Variants in DOCK1 observed in about 807,000 individuals in gnomAD.
The protein encoded by DOCK1 is dedicator of cytokinesis 1, also known as dedicator of cytokinesis protein 1.
A neutral mutation model predicts 262.7 loss-of-function variants in DOCK1; 138 were observed. That is an observed-to-expected ratio of 0.53 (90% CI 0.46 to 0.61). The LOEUF (loss-of-function observed/expected upper bound fraction) is 0.61, where lower values mean the gene tolerates loss of function less well. Among genes scored for constraint, DOCK1 ranks in the 20% least tolerant of loss-of-function variants. DOCK1 has a pLI of 0.00. For missense variants in DOCK1, 1,908 were observed against 2,370.7 expected (o/e 0.80, Z 4.05); for synonymous variants, 866 against 867.4 (o/e 1.00, Z 0.03).
chr10:127,441,281 G>GC lies in DOCK1; in HGVS notation c.5259+2057dup, dbSNP rs559479787. Among the ~76,000 whole-genome samples the GC allele has an allele frequency of 2.5e-4, 38 of 152,286 alleles. No individual in the cohort carries two copies. The South Asian group carries it at 7.7e-3, about 31-fold the overall frequency. On this transcript the variant is annotated intron_variant, in intron 49 of 51. Transcript: ENST00000623213. ...CATCCTTCTAGGGTCCTTGCAAGCA[G>GC]CAGGGCTAGGGGCAGCCCCACGAGG...
chr10:127,228,745 C>T (rs1209300546), intron 27 of DOCK1, among the ~76,000 whole-genome samples: 2 of 152,160 alleles, frequency 1.3e-5, no homozygotes, highest in Admixed American at 1.3e-4. Context: ...CACACATTCT[C>T]TAGCATATTA....
Position 127,400,617 on chromosome 10 carries a change from A to G in DOCK1, c.3928-2438A>G, listed in dbSNP as rs373297164. Reference sequence around the variant, plus strand: ...TAGATTCCTTATCTGCAAAATGGGTATAATGCAGATGCCCACCTGACAAGG... The same window carrying G: ...TAGATTCCTTATCTGCAAAATGGGTGTAATGCAGATGCCCACCTGACAAGG... On this transcript the variant is annotated intron_variant, in intron 38 of 51. Coordinates refer to ENST00000623213, the MANE Select transcript of DOCK1 (RefSeq NM_001290223.2). 1.1e-4 allele frequency among the ~76,000 whole-genome samples: 16 copies of G among 152,254 alleles called. No individual in the cohort carries two copies. The East Asian group carries it at 3.1e-3, about 29-fold the overall frequency.
chr10:127,054,832 T>A (rs571967039), intron 22 of DOCK1, among the ~76,000 whole-genome samples: 4 of 152,266 alleles, frequency 2.6e-5, no homozygotes, highest in Non-Finnish European at 4.4e-5. Context: ...TCTCACCCGA[T>A]AACACTGGAC....
intron 29 of DOCK1, among the ~76,000 whole-genome samples, chr10:127,330,015 AT>A (rs1440519488): frequency 1.3e-5 from 2 of 152,078 alleles, no homozygotes; most frequent in Non-Finnish European, 2.9e-5. Flanking sequence ...TCTAAGCTTG[AT>A]TTCCAGACTG....
chr10:127,101,111 A>C (rs1374539004), intron 23 of DOCK1, among the ~76,000 whole-genome samples: 1 of 152,026 alleles, frequency 6.6e-6, no homozygotes, highest in South Asian at 2.1e-4. Flanking sequence ...CGAAAACCCA[A>C]GGCAGGGGCA....
At chr10:127,172,461 A>G (rs951437742) in intron 27 of DOCK1, among the ~76,000 whole-genome samples, 3 of 152,148 alleles carry the variant, frequency 2.0e-5, no homozygotes, top group Non-Finnish European at 2.9e-5. Flanking sequence ...ATGAGCTTGC[A>G]TCTTATCTGC....
intron 38 of DOCK1, among the ~76,000 whole-genome samples, chr10:127,388,399 G>A (rs554727324): frequency 3.3e-5 from 5 of 152,300 alleles, no homozygotes; most frequent in African/African-American, 1.2e-4. Flanking sequence ...ACTAAAGTAA[G>A]ATGAAGAACA....
intron 19 of DOCK1, among the ~76,000 whole-genome samples, chr10:127,038,984 G>A (rs551729576): frequency 6.6e-6 from 1 of 152,194 alleles, no homozygotes; most frequent in African/African-American, 2.4e-5. Flanking sequence ...AGCAAGGTCT[G>A]TGTGTTGCCG....
chr10:127,198,705 G>A (rs142425603), intron 27 of DOCK1, among the ~76,000 whole-genome samples: 227 of 150,920 alleles, frequency 1.5e-3, no homozygotes, highest in Middle Eastern at 3.5e-3. Flanking sequence ...TAGACTTACA[G>A]TTGTTTTGCT....
At chr10:127,345,385 C>T (rs951219789) in intron 31 of DOCK1, among the ~76,000 whole-genome samples, 3 of 152,214 alleles carry the variant, frequency 2.0e-5, no homozygotes, top group African/African-American at 4.8e-5. Flanking sequence ...TGGCCAGTCC[C>T]ACACCTAGAA....
intron 29 of DOCK1, among the ~76,000 whole-genome samples, chr10:127,266,082 A>C (rs945277536): frequency 1.3e-5 from 2 of 152,240 alleles, no homozygotes; most frequent in African/African-American, 2.4e-5. Context: ...TGCCCCCAGG[A>C]CCATGGCACC....
chr10:127,163,631 T>G (rs1357728379), intron 27 of DOCK1, among the ~76,000 whole-genome samples: 1 of 152,160 alleles, frequency 6.6e-6, no homozygotes, highest in Admixed American at 6.5e-5. Context: ...ACTCTCACAA[T>G]TTTGTGATGC....
At chr10:127,342,553 G>A (rs1169520958) in intron 30 of DOCK1, among the ~76,000 whole-genome samples, 1 of 152,116 alleles carries the variant, frequency 6.6e-6, no homozygotes, top group African/African-American at 2.4e-5. Flanking sequence ...GGGAAGTGTT[G>A]GATAAATGCA....
chr10:127,292,881 T>C (rs555752600), intron 29 of DOCK1, among the ~76,000 whole-genome samples: 1 of 152,134 alleles, frequency 6.6e-6, no homozygotes. Context: ...TTTCATGTCC[T>C]GTCTCCTGAT....
At chr10:127,093,247 T>C (rs376624769) in intron 23 of DOCK1, among the ~76,000 whole-genome samples, 2 of 99,478 alleles carry the variant, frequency 2.0e-5, no homozygotes, top group South Asian at 2.7e-4. Flanking sequence ...TTCTTCTTTT[T>C]TTTTTTTTTT....
chr10:127,276,327 A>G (rs2060739116), intron 29 of DOCK1, among the ~76,000 whole-genome samples: 1 of 152,104 alleles, frequency 6.6e-6, no homozygotes, highest in Admixed American at 6.6e-5. Flanking sequence ...GGCTGTATGC[A>G]TCTTCTCTGT....
At position 127,186,895 on chromosome 10, in the gene DOCK1, G is replaced by A. The variant is rs182872058; in HGVS notation, c.2847+59131G>A. Among the ~76,000 whole-genome samples the A allele has an allele frequency of 1.1e-4, 17 of 152,264 alleles. No homozygotes were observed. In the East Asian group the frequency reaches 3.3e-3, roughly 30 times the overall value. On this transcript the variant is annotated intron_variant, in intron 27 of 51. Transcript: ENST00000623213. Reference sequence around the variant, plus strand: ...CACAGATACAGGAGGGGAAGGGGATGTGTGCTGGAACATAAGTCCAGGTCA... The same window carrying A: ...CACAGATACAGGAGGGGAAGGGGATATGTGCTGGAACATAAGTCCAGGTCA...
rs529958746 is a variant in DOCK1 at position 127,023,226 on chromosome 10, A to T, written c.1354A>T (p.Thr452Ser). Reference protein sequence around the residue: ...PGDVRNDIYVTLVQGDFDKGS... With the variant: ...PGDVRNDIYVSLVQGDFDKGS... ...TGATGTTCGAAATGATATCTATGTAACATTAGTTCAAGGAGATTTTGATAA... is the reference window on the plus strand; with the variant it reads ...TGATGTTCGAAATGATATCTATGTATCATTAGTTCAAGGAGATTTTGATAA... Residue 452 changes from threonine (T) to serine (S), a missense_variant, in exon 14 of 52, where the codon ACA (threonine) becomes TCA (serine). By Grantham distance (58) the Thr-to-Ser change is moderately conservative. Transcript: ENST00000623213. 6 of 1,613,874 alleles carry T rather than the reference A, an allele frequency of 3.7e-6. No homozygotes were observed. Among genetic ancestry groups the T allele is most frequent in the Non-Finnish European group, 5.1e-6 (6 of 1,179,902 alleles).
At position 127,228,802 on chromosome 10, in the gene DOCK1, G is replaced by A. The variant is rs114211989; in HGVS notation, c.2848-19206G>A. Reference sequence around the variant, plus strand: ...TTTAAATTTTATTGTTTAAATTGACGAATAAAAATTATGTATATTTATGAT... The same window carrying A: ...TTTAAATTTTATTGTTTAAATTGACAAATAAAAATTATGTATATTTATGAT... On this transcript the variant is annotated intron_variant, in intron 27 of 51. Transcript: ENST00000623213. 2.4e-3 allele frequency among the ~76,000 whole-genome samples: 363 copies of A among 152,152 alleles called. 1 individual carries two copies. Among genetic ancestry groups the A allele is most frequent in the African/African-American group, 8.3e-3 (346 of 41,470 alleles).
Sources: allele counts gnomAD v4.1 joint callset (sites outside exome capture counted in the v4.1 genomes callset), GRCh38; gene constraint gnomAD v4.1.1; transcripts MANE v1.5; gene names NCBI Gene and HGNC (gene_info 2026-07-23, HGNC 2026-07-21).